Variants in DNMT1 observed in about 807,000 individuals in gnomAD.
The protein encoded by DNMT1 is DNA methyltransferase 1, also known as DNA (cytosine-5)-methyltransferase 1.
DNMT1 carries 24 observed loss-of-function variants against 205.3 expected under a neutral mutation model. The observed-to-expected ratio is 0.12, with a 90% confidence interval of 0.08 to 0.16. DNMT1 has a LOEUF of 0.16. DNMT1 is among the 10% of genes least tolerant of loss of function. The probability of loss-of-function intolerance (pLI) is 1.00; values close to 1 mark genes in which losing one functional copy is unlikely to be tolerated. For synonymous variants in DNMT1, 817 were observed against 839.8 expected (o/e 0.97, Z 0.47); for missense variants, 1,293 against 2,177.7 (o/e 0.59, Z 8.09).
In DNMT1 at chr19:10,180,673, ATCAG is replaced by A. The variant is rs2039029891; in HGVS notation, c.225+101_225+104del. The A allele has an allele frequency of 2.7e-6, 4 of 1,472,494 alleles. No individual in the cohort carries two copies. In the East Asian group the frequency reaches 9.1e-5, roughly 33 times the overall value. The allele number at this position is 1,472,494 out of a possible 1,614,324, so 91.2% of individuals were successfully genotyped here. A position where few individuals can be genotyped will look rare whatever the true frequency, so the allele number is the denominator to read the frequency against. ...CATCATCATCATCATCATCATCATC[ATCAG>A]GCAATGAGGACAGCTGGGGATCTTG... is the stretch of plus-strand genomic sequence containing the variant. On this transcript the variant is annotated intron_variant, in intron 3 of 40. Coordinates refer to ENST00000359526, the MANE Select transcript of DNMT1 (RefSeq NM_001130823.3).
chr19:10,185,603 G>T (rs2039162828), intron 1 of DNMT1, among the ~76,000 whole-genome samples: 1 of 152,000 alleles, frequency 6.6e-6, no homozygotes, highest in South Asian at 2.1e-4. Context: ...AAGGCAGGAG[G>T]ATCACTTGAG....
At position 10,180,197 on chromosome 19, in the gene DNMT1, A is replaced by G. The variant is rs764496230; in HGVS notation, c.483T>C (p.Thr161=). 1.2e-4 allele frequency: 110 copies of G among 884,176 alleles called. No individual in the cohort carries two copies. The highest frequency in any genetic ancestry group is 1.8e-4 in the Non-Finnish European group (103 of 558,006). 54.8% of individuals were successfully genotyped at this position (884,176 alleles called of 1,614,324 possible). ...RDPPASASQV[T]GIRAEPSPSP... ...TGTGGTGGCACATACCTCTAATCCC[A>G]GTTACTTGGGAGGCTGAGGCAGGAG... The change falls in exon 5 of 41, where the codon ACT becomes ACC. Residue 161 remains threonine (T), a synonymous_variant. Coordinates refer to ENST00000359526, the MANE Select transcript of DNMT1 (RefSeq NM_001130823.3).
In DNMT1 at chr19:10,186,838, C is replaced by CA. The variant is rs35238334; in HGVS notation, c.81-4762dup. Among the ~76,000 whole-genome samples the CA allele has an allele frequency of 6.7e-3, 475 of 70,568 alleles. 6 individuals are homozygous for CA. The highest frequency in any genetic ancestry group is 7.8e-3 in the African/African-American group (133 of 16,952). 46.3% of individuals were successfully genotyped at this position (70,568 alleles called of 152,430 possible). On this transcript the variant is annotated intron_variant, in intron 1 of 40. Transcript: ENST00000359526. Reference sequence around the variant, plus strand: ...GGACAACAAGAGTGAAACTCCGTCTCAAAAAAAAAAAAAAAAAAAAAGATA... The same window carrying CA: ...GGACAACAAGAGTGAAACTCCGTCTCAAAAAAAAAAAAAAAAAAAAAAGATA...
intron 7 of DNMT1, among the ~76,000 whole-genome samples, chr19:10,174,772 C>T (rs1599389136): frequency 6.6e-6 from 1 of 150,860 alleles, no homozygotes; most frequent in East Asian, 2.0e-4. Context: ...GTGGCTCACA[C>T]CTATAATCCT....
chr19:10,186,329 G>A (rs1041812230), intron 1 of DNMT1, among the ~76,000 whole-genome samples: 1 of 152,178 alleles, frequency 6.6e-6, no homozygotes, highest in Non-Finnish European at 1.5e-5. Flanking sequence ...GGCAGGCAGT[G>A]AGGAGCTGGC....
chr19:10,154,708 C>T lies in DNMT1; in HGVS notation c.1710G>A (p.Ala570=), dbSNP rs748007341. The part of the protein sequence containing the change: ...RFTEDSLLRH[A]QFVVEQVESY... ...TCTCCACCTGCTCCACCACAAACTG[C>T]GCGTGTCGCAGGAGGGAGTCCTCTG... Residue 570 remains alanine (A), a synonymous_variant, in exon 21 of 41, where the codon GCG becomes GCA. Coordinates refer to ENST00000359526, the MANE Select transcript of DNMT1 (RefSeq NM_001130823.3). This position sits in a 1 kb window ranked among gnomAD's most constrained non-coding sequence, Gnocchi z 6.3. 14 of 1,614,242 alleles carry T rather than the reference C, an allele frequency of 8.7e-6. No homozygotes were observed. The highest frequency in any genetic ancestry group is 6.7e-5 in the East Asian group (3 of 44,890).
intron 2 of DNMT1, among the ~76,000 whole-genome samples, chr19:10,181,100 G>T (rs1167189955): frequency 2.0e-5 from 3 of 152,142 alleles, no homozygotes; most frequent in Non-Finnish European, 2.9e-5. Flanking sequence ...AAATGGGAAA[G>T]CTGGAGGTGA....
chr19:10,190,697 G>A (rs1175593975), intron 1 of DNMT1, among the ~76,000 whole-genome samples: 2 of 151,722 alleles, frequency 1.3e-5, no homozygotes, highest in Non-Finnish European at 2.9e-5. Flanking sequence ...CCCGGGAGGG[G>A]GAGGTTGCAG....
At chr19:10,163,305 A>T (rs1001225740) in intron 12 of DNMT1, 21 bp downstream of exon 12, 2 of 1,613,602 alleles carry the variant, frequency 1.2e-6, no homozygotes, top group African/African-American at 2.7e-5. Context: ...ACACAAAAGC[A>T]CAAGCATTTT....
At chr19:10,182,169 CACAA>C in intron 1 of DNMT1, 92 bp from the exon 2 acceptor site, 1 of 1,369,340 alleles carries the variant, frequency 7.3e-7, no homozygotes, top group Non-Finnish European at 1.0e-6. Flanking sequence ...AAGTTTTGGA[CACAA>C]ACAAGTTTAA....
At position 10,133,726 on chromosome 19, in the gene DNMT1, C is replaced by A; in HGVS notation, c.4865-25G>T. 7 of 1,578,528 alleles carry A rather than the reference C, an allele frequency of 4.4e-6. No individual in the cohort carries two copies. The highest frequency in any genetic ancestry group is 2.3e-5 in the East Asian group (1 of 43,044). ...GCTGAAGGGAAATAAAAGGAAAAGT[C>A]ACTCTGGGGAACACGCCCGGTGTCA... On this transcript the variant is annotated intron_variant, in intron 40 of 40. Transcript: ENST00000359526. This position sits in a 1 kb window ranked among gnomAD's most constrained non-coding sequence, Gnocchi z 4.1.
intron 1 of DNMT1, among the ~76,000 whole-genome samples, 185 bp from the exon 2 acceptor site, chr19:10,182,262 C>A (rs1263336886): frequency 1.3e-5 from 2 of 151,938 alleles, no homozygotes; most frequent in African/African-American, 4.8e-5. Flanking sequence ...ATGCCTAATG[C>A]TAAGAAGTCA....
intron 11 of DNMT1, among the ~76,000 whole-genome samples, chr19:10,165,313 G>C (rs1167504787): frequency 1.3e-5 from 2 of 152,184 alleles, no homozygotes; most frequent in African/African-American, 4.8e-5. Flanking sequence ...GGGAGGCAGA[G>C]ATGGCACCTC....
chr19:10,153,020 T>C (rs2038382549), intron 22 of DNMT1, among the ~76,000 whole-genome samples: 1 of 151,622 alleles, frequency 6.6e-6, no homozygotes, highest in Non-Finnish European at 1.5e-5. Flanking sequence ...ATTCTCCAGA[T>C]GGGTTAAGAA....
At position 10,155,060 on chromosome 19, in the gene DNMT1, G is replaced by T; in HGVS notation, c.1493-4C>A. On this transcript the variant is annotated splice_region_variant and splice_polypyrimidine_tract_variant and intron_variant, in intron 19 of 40. Coordinates refer to ENST00000359526, the MANE Select transcript of DNMT1 (RefSeq NM_001130823.3). ...ATCAGAATGTATTCGGCAAATGCTG[G>T]GGTGAACAGAGGAGGTGTGGAAAAG... The T allele has an allele frequency of 6.2e-7, 1 of 1,614,082 alleles. No homozygotes were observed. The highest frequency in any genetic ancestry group is 1.1e-5 in the South Asian group (1 of 91,076).
Position 10,151,521 on chromosome 19 carries a change from C to T in DNMT1, c.2142G>A (p.Glu714=), listed in dbSNP as rs2038341655. Residue 714 remains glutamate, a synonymous_variant, in exon 24 of 41, where the codon GAG becomes GAA. Coordinates refer to ENST00000359526, the MANE Select transcript of DNMT1 (RefSeq NM_001130823.3). The surrounding 1 kb of genome is among the most constrained non-coding windows in gnomAD (Gnocchi z 5.0). ...CATCGACTTCCTCATCGTCATCTGC[C>T]TCCTTCATGGCCATATTGGGACACC... The part of the protein sequence containing the change: ...ERRCPNMAMK[E]ADDDEEVDDN... 3 of 1,613,922 alleles carry T rather than the reference C, an allele frequency of 1.9e-6. No homozygotes were observed. Among genetic ancestry groups the T allele is most frequent in the Admixed American group, 1.7e-5 (1 of 60,002 alleles).
intron 1 of DNMT1, among the ~76,000 whole-genome samples, chr19:10,182,545 A>ATG: frequency 6.8e-6 from 1 of 147,028 alleles, no homozygotes; most frequent in African/African-American, 2.5e-5. Flanking sequence ...ATATATACAT[A>ATG]TGTGTATATA....
intron 14 of DNMT1, 143 bp downstream of exon 14, chr19:10,160,241 C>T: frequency 6.6e-7 from 1 of 1,509,658 alleles, no homozygotes; most frequent in Admixed American, 1.8e-5. Context: ...CTGCCTGACG[C>T]ACCTTGGTCC....
rs35281765 is a variant in DNMT1, at chr19:10,153,643, TAA to T, written c.2019+648_2019+649del. ...CAGAGAGAGACTGTCTCAAAAAAAT[TAA>T]AAAAAAAAAAAAAAGATTTTAGAAG... is the stretch of plus-strand genomic sequence containing the variant. On this transcript the variant is annotated intron_variant, in intron 22 of 40. Coordinates refer to ENST00000359526, the MANE Select transcript of DNMT1 (RefSeq NM_001130823.3). 3.2e-3 allele frequency among the ~76,000 whole-genome samples: 379 copies of T among 119,384 alleles called. 3 individuals carry two copies. Among genetic ancestry groups the T allele is most frequent in the African/African-American group, 0.01 (335 of 32,666 alleles). 78.3% of individuals were successfully genotyped at this position (119,384 alleles called of 152,430 possible). A position where few individuals can be genotyped will look rare whatever the true frequency, so the allele number is the denominator to read the frequency against.
Sources: gnomAD v4.1 joint callset for allele counts (sites outside exome capture counted in the v4.1 genomes callset) on GRCh38, gnomAD v4.1.1 for gene constraint, Gnocchi (gnomAD v3.1) non-coding constraint, MANE v1.5 for transcripts, NCBI Gene and HGNC (gene_info 2026-07-23, HGNC 2026-07-21) for gene names.